The following NMNAT2 variants were observed in gnomAD, a reference collection of about 807,000 sequenced individuals.
NMNAT2 encodes nicotinamide nucleotide adenylyltransferase 2, also known as nicotinamide/nicotinic acid mononucleotide adenylyltransferase 2.
A neutral mutation model predicts 41.6 loss-of-function variants in NMNAT2; 11 were observed. That is an observed-to-expected ratio of 0.26 (90% confidence interval 0.17 to 0.44). The LOEUF is 0.44. Among genes scored for constraint, NMNAT2 ranks in the 20% least tolerant of loss-of-function variants. NMNAT2 has a pLI of 1.00. For synonymous variants in NMNAT2, 148 were observed against 151.2 expected, an observed-to-expected ratio of 0.98 and a Z score of 0.16; for missense variants, 288 against 407.7, an observed-to-expected ratio of 0.71 and a Z score of 2.53.
chr1:183,338,858 G>A (rs1378633502), intron 1 of NMNAT2, among the ~76,000 whole-genome samples: 5 of 152,172 alleles, frequency 3.3e-5, no homozygotes, highest in African/African-American at 1.2e-4. Flanking sequence ...AAACTGTCCT[G>A]TGTCAGGTAA....
intron 7 of NMNAT2, among the ~76,000 whole-genome samples, chr1:183,281,260 G>A (rs1030502782): frequency 2.0e-5 from 3 of 152,128 alleles, no homozygotes; most frequent in African/African-American, 7.2e-5. Flanking sequence ...GCAATTGCCA[G>A]GGGACATTGG....
At chr1:183,256,475 C>T (rs1257795356) in intron 10 of NMNAT2, among the ~76,000 whole-genome samples, 1 of 152,054 alleles carries the variant, frequency 6.6e-6, no homozygotes, top group African/African-American at 2.4e-5. Flanking sequence ...AACTTTCCTT[C>T]TATATTTAAA....
intron 1 of NMNAT2, chr1:183,304,709 C>A (rs770142036): frequency 1.9e-6 from 3 of 1,614,152 alleles, no homozygotes; most frequent in Non-Finnish European, 2.5e-6. Context: ...CCCTGGCAGG[C>A]CTGAATTTCC....
intron 1 of NMNAT2, among the ~76,000 whole-genome samples, chr1:183,334,792 G>A (rs1264906173): frequency 6.6e-6 from 1 of 151,768 alleles, no homozygotes; most frequent in Non-Finnish European, 1.5e-5. Context: ...TTACAGGCAT[G>A]AGCCACCGCA....
chr1:183,390,426 T>G (rs919808726), intron 1 of NMNAT2, among the ~76,000 whole-genome samples: 1 of 152,210 alleles, frequency 6.6e-6, no homozygotes, highest in African/African-American at 2.4e-5. Flanking sequence ...ATCAGCACTT[T>G]GTTTAACGCC....
chr1:183,359,959 C>G (rs1663270567), intron 1 of NMNAT2, among the ~76,000 whole-genome samples: 1 of 152,110 alleles, frequency 6.6e-6, no homozygotes, highest in South Asian at 2.1e-4. Context: ...ATATACTCAT[C>G]CTTATATATA....
intron 1 of NMNAT2, among the ~76,000 whole-genome samples, chr1:183,365,998 C>T (rs916812553): frequency 6.0e-4 from 92 of 152,260 alleles, no homozygotes; most frequent in African/African-American, 2.0e-3. Flanking sequence ...ATGTTTTATC[C>T]TCTTATTTCT....
At chr1:183,332,992 C>G (rs1404163578) in intron 1 of NMNAT2, among the ~76,000 whole-genome samples, 1 of 152,148 alleles carries the variant, frequency 6.6e-6, no homozygotes, top group Non-Finnish European at 1.5e-5. Context: ...TATGGCTGGA[C>G]CAGGCCATGA....
intron 1 of NMNAT2, among the ~76,000 whole-genome samples, chr1:183,319,356 T>A (rs920691928): frequency 1.2e-4 from 19 of 152,230 alleles, no homozygotes; most frequent in Admixed American, 5.2e-4. Flanking sequence ...TATAAAAAGA[T>A]CACTTCAGCA....
chr1:183,314,716 C>T (rs1165667909), intron 1 of NMNAT2, among the ~76,000 whole-genome samples: 1 of 152,174 alleles, frequency 6.6e-6, no homozygotes, highest in African/African-American at 2.4e-5. Flanking sequence ...GTGCAGACAC[C>T]TTAAAGATAA....
At chr1:183,363,467 A>G (rs1387003353) in intron 1 of NMNAT2, among the ~76,000 whole-genome samples, 2 of 152,104 alleles carry the variant, frequency 1.3e-5, no homozygotes, top group Non-Finnish European at 2.9e-5. Context: ...AGGAAGCTGT[A>G]TTTGATTCTA....
chr1:183,315,231 G>A (rs978816806), intron 1 of NMNAT2, among the ~76,000 whole-genome samples: 3 of 152,044 alleles, frequency 2.0e-5, no homozygotes, highest in South Asian at 4.2e-4. Flanking sequence ...GAAATCACTC[G>A]GGGCAGACAC....
intron 1 of NMNAT2, among the ~76,000 whole-genome samples, chr1:183,409,993 A>G (rs1337626028): frequency 6.6e-6 from 1 of 152,152 alleles, no homozygotes; most frequent in Non-Finnish European, 1.5e-5. Flanking sequence ...TATACAATGT[A>G]CAATGGTTCC....
At chr1:183,352,015 C>G (rs559521313) in intron 1 of NMNAT2, among the ~76,000 whole-genome samples, 6 of 152,138 alleles carry the variant, frequency 3.9e-5, no homozygotes, top group African/African-American at 1.4e-4. Flanking sequence ...CCATGTAAGC[C>G]CAAGGGAACA....
chr1:183,352,499 G>T (rs968901816), intron 1 of NMNAT2, among the ~76,000 whole-genome samples: 1 of 149,042 alleles, frequency 6.7e-6, no homozygotes, highest in Non-Finnish European at 1.5e-5. Flanking sequence ...GGCATCGGAG[G>T]TTGCAGTGAG....
chr1:183,375,218 A>G (rs2101912911), intron 1 of NMNAT2, among the ~76,000 whole-genome samples: 1 of 152,324 alleles, frequency 6.6e-6, no homozygotes, highest in South Asian at 2.1e-4. Flanking sequence ...ATTAGCTACT[A>G]AAATAAATAA....
At chr1:183,348,033 C>T (rs1181747962) in intron 1 of NMNAT2, among the ~76,000 whole-genome samples, 1 of 152,158 alleles carries the variant, frequency 6.6e-6, no homozygotes, top group East Asian at 1.9e-4. Context: ...CCCAACCCCT[C>T]CCATTCATTT....
At chr1:183,288,750 G>A (rs1487436901) in intron 4 of NMNAT2, among the ~76,000 whole-genome samples, 1 of 152,220 alleles carries the variant, frequency 6.6e-6, no homozygotes, top group Non-Finnish European at 1.5e-5. Flanking sequence ...AAGTCACTGA[G>A]CTTTTAGGGA....
intron 1 of NMNAT2, among the ~76,000 whole-genome samples, chr1:183,316,734 A>G (rs1324038575): frequency 6.6e-6 from 1 of 152,200 alleles, no homozygotes; most frequent in Non-Finnish European, 1.5e-5. Context: ...TATATTGTTG[A>G]TACTCAGCAA....
Sources: allele counts gnomAD v4.1 joint callset (sites outside exome capture counted in the v4.1 genomes callset), GRCh38; gene constraint gnomAD v4.1.1; transcripts MANE v1.5; gene names NCBI Gene and HGNC (gene_info 2026-07-23, HGNC 2026-07-21).